Variants in RBFOX1 observed in about 807,000 individuals in gnomAD.
The protein encoded by RBFOX1 is RNA binding fox-1 homolog 1.
In RBFOX1, 8 loss-of-function variants were observed where a neutral mutation model predicts 57.7. The ratio of observed to expected loss-of-function variants is 0.14; its 90% CI spans 0.08 to 0.25. The LOEUF is 0.25. Ranked by LOEUF, RBFOX1 falls within the 10% of genes least tolerant of loss-of-function variation. The probability of loss-of-function intolerance (pLI) is 1.00; values close to 1 mark genes in which losing one functional copy is unlikely to be tolerated. For missense variants in RBFOX1, 611 were observed against 548.5 expected, an observed-to-expected ratio of 1.11 and a Z score of -1.14; for synonymous variants, 326 against 222.4, an observed-to-expected ratio of 1.47 and a Z score of -4.15.
chr16:7,697,512 C>T (rs369007419), intron 14 of RBFOX1, among the ~76,000 whole-genome samples: 2 of 89,762 alleles, frequency 2.2e-5, no homozygotes, highest in African/African-American at 3.7e-5. Context: ...GTATGATATA[C>T]ATACATGCAT....
intron 14 of RBFOX1, among the ~76,000 whole-genome samples, chr16:7,694,232 C>T (rs374160417): frequency 6.6e-5 from 10 of 152,298 alleles, no homozygotes; most frequent in South Asian, 4.1e-4. Flanking sequence ...TACAACTTAT[C>T]ACTACATAAC....
At chr16:7,253,825 G>A (rs1343223989) in intron 4 of RBFOX1, among the ~76,000 whole-genome samples, 1 of 152,154 alleles carries the variant, frequency 6.6e-6, no homozygotes. Flanking sequence ...CTCCAACACT[G>A]AGTCCAAGGT....
chr16:7,031,361 C>T (rs149540398), intron 3 of RBFOX1, among the ~76,000 whole-genome samples: 2,435 of 151,992 alleles, frequency 0.016, 70 homozygotes, highest in African/African-American at 0.055. Context: ...TTTGGGAGGC[C>T]GAGGCAGGTG....
At chr16:6,696,367 TG>T (rs2061048647) in intron 3 of RBFOX1, among the ~76,000 whole-genome samples, 1 of 152,164 alleles carries the variant, frequency 6.6e-6, no homozygotes, top group South Asian at 2.1e-4. Flanking sequence ...CTTTATAATA[TG>T]CAGTGAGTCT....
chr16:5,937,198 A>G (rs1048981801), intron 4 of RBFOX1, among the ~76,000 whole-genome samples: 5 of 152,180 alleles, frequency 3.3e-5, no homozygotes, highest in Admixed American at 2.6e-4. Flanking sequence ...CCATTGGACT[A>G]TCTCTTTATG....
At chr16:6,165,153 G>A (rs1349548) in intron 1 of RBFOX1, among the ~76,000 whole-genome samples, 152,237 of 152,328 alleles carry the variant, frequency 1, 76,074 homozygotes, top group Middle Eastern at 1. Context: ...CAGTTTTTAA[G>A]TGGGAGTAAT....
chr16:7,117,959 A>G (rs767367014), intron 4 of RBFOX1, among the ~76,000 whole-genome samples: 1 of 152,218 alleles, frequency 6.6e-6, no homozygotes, highest in Admixed American at 6.5e-5. Flanking sequence ...AGATCCAGCA[A>G]GAGAGTTGCT....
chr16:6,957,909 G>T (rs527465873), intron 3 of RBFOX1, among the ~76,000 whole-genome samples: 1 of 152,226 alleles, frequency 6.6e-6, no homozygotes, highest in South Asian at 2.1e-4. Flanking sequence ...CCTTTTCCAT[G>T]CAGGACATCT....
intron 4 of RBFOX1, among the ~76,000 whole-genome samples, chr16:7,492,417 C>T (rs1302658824): frequency 3.3e-5 from 5 of 151,872 alleles, no homozygotes; most frequent in Admixed American, 3.3e-4. Flanking sequence ...TATAATCATT[C>T]TTTAGTTTCC....
intron 2 of RBFOX1, among the ~76,000 whole-genome samples, chr16:5,528,848 C>G (rs898434337): frequency 6.6e-6 from 1 of 152,036 alleles, no homozygotes; most frequent in Non-Finnish European, 1.5e-5. Flanking sequence ...TGAGGTTTCA[C>G]CATGTTGGTT....
chr16:6,761,500 CTTTTTTT>C (rs869243278), intron 3 of RBFOX1, among the ~76,000 whole-genome samples: 3 of 60,128 alleles, frequency 5.0e-5, no homozygotes, highest in African/African-American at 1.4e-4. Context: ...TCCCAATCTC[CTTTTTTT>C]TTTTTTTTTT....
intron 2 of RBFOX1, among the ~76,000 whole-genome samples, chr16:5,468,671 G>T (rs1397948714): frequency 2.6e-5 from 4 of 152,210 alleles, no homozygotes; most frequent in African/African-American, 4.8e-5. Flanking sequence ...ATAAAATGTG[G>T]TCTATCCATG....
At chr16:6,628,603 C>A (rs1300017092) in intron 2 of RBFOX1, among the ~76,000 whole-genome samples, 1 of 152,148 alleles carries the variant, frequency 6.6e-6, no homozygotes, top group Non-Finnish European at 1.5e-5. Context: ...CAGTATCTTT[C>A]ACCCTTCAGC....
chr16:5,886,595 A>G (rs1012298502), intron 4 of RBFOX1, among the ~76,000 whole-genome samples: 2 of 152,184 alleles, frequency 1.3e-5, no homozygotes, highest in African/African-American at 4.8e-5. Context: ...CATTATTCAA[A>G]TCGTCTCTTT....
At chr16:6,718,147 C>A (rs1052239908) in intron 3 of RBFOX1, among the ~76,000 whole-genome samples, 4 of 152,192 alleles carry the variant, frequency 2.6e-5, no homozygotes, top group Admixed American at 2.6e-4. Context: ...GAGTTCCTTG[C>A]AAAGATGTCC....
chr16:6,834,365 C>G (rs913309029), intron 3 of RBFOX1, among the ~76,000 whole-genome samples: 10 of 152,248 alleles, frequency 6.6e-5, no homozygotes, highest in African/African-American at 2.4e-4. Context: ...GCATGAGGCA[C>G]CACGCCTGGC....
intron 1 of RBFOX1, among the ~76,000 whole-genome samples, chr16:6,186,268 T>G (rs892233683): frequency 1.3e-5 from 2 of 152,200 alleles, no homozygotes; most frequent in African/African-American, 4.8e-5. Context: ...ATACAACTGA[T>G]GACTCTGGGT....
chr16:5,515,642 C>G lies in RBFOX1; in HGVS notation c.258+48388C>G, dbSNP rs74819997. 3.7e-3 allele frequency among the ~76,000 whole-genome samples: 566 copies of G among 152,278 alleles called. 5 individuals are homozygous for G. The highest frequency in any genetic ancestry group is 0.013 in the African/African-American group (528 of 41,554). ...AATTTGGGTACGGTTGAAGTAGTCA[C>G]TGCTATAAATTAGATTAATCTAAGG... is the stretch of plus-strand genomic sequence containing the variant. On this transcript the variant is annotated intron_variant, in intron 2 of 2. Coordinates refer to the RBFOX1 transcript ENST00000585867.
Position 5,339,086 on chromosome 16 carries a change from T to C in RBFOX1, c.219+98981T>C, listed in dbSNP as rs1263246147. ...ATCTTATTAACTACAGTTACCACGA[T>C]GTACAGTAGATCTCTTGAACTCATT... is the stretch of plus-strand genomic sequence containing the variant. On this transcript the variant is annotated intron_variant, in intron 1 of 2. Coordinates refer to the RBFOX1 transcript ENST00000585867. 2.6e-5 allele frequency among the ~76,000 whole-genome samples: 4 copies of C among 152,114 alleles called. No homozygotes were observed. In the South Asian group the frequency reaches 6.2e-4, roughly 24 times the overall value.
Sources: allele counts gnomAD v4.1 joint callset (sites outside exome capture counted in the v4.1 genomes callset), GRCh38; gene constraint gnomAD v4.1.1; transcripts MANE v1.5; gene names NCBI Gene and HGNC (gene_info 2026-07-23, HGNC 2026-07-21).